Variants in EFTUD2 observed in about 807,000 individuals in gnomAD.
EFTUD2 encodes the protein elongation factor Tu GTP binding domain containing 2.
In EFTUD2, 9 loss-of-function variants were observed where a neutral mutation model predicts 114.3. The ratio of observed to expected loss-of-function variants is 0.08; its 90% CI spans 0.05 to 0.14. The LOEUF (loss-of-function observed/expected upper bound fraction) is 0.14. EFTUD2 is among the 10% of genes least tolerant of loss of function. The pLI is 1.00. For missense variants in EFTUD2, 765 were observed against 1,241.2 expected (o/e 0.62, Z 5.76); for synonymous variants, 449 against 462.3 (o/e 0.97, Z 0.37).
chr17:44,863,655 A>C lies in EFTUD2; in HGVS notation c.1413T>G (p.Asp471Glu). 1 of 1,613,114 alleles carries C rather than the reference A, an allele frequency of 6.2e-7. No homozygotes were observed. The highest frequency in any genetic ancestry group is 1.3e-5 in the African/African-American group (1 of 75,016). The change falls in exon 15 of 28, where the codon GAT becomes GAG. Residue 471 changes from aspartate to glutamate, a missense_variant and splice_region_variant. Physicochemically the swap from Asp to Glu is conservative, Grantham distance 45. Coordinates refer to ENST00000426333, the MANE Select transcript of EFTUD2 (RefSeq NM_004247.4). The stretch of plus-strand genomic sequence containing the variant: ...GAACCGGGGAGCCACATGCCCTTAC[A>C]TCAGGGTCACAGTCACTCATAGCCT... ...LGEAMSDCDP[D>E]GPLMCHTTKM...
At chr17:44,860,150 T>C (rs2050630267) in intron 17 of EFTUD2, 105 bp from the exon 18 acceptor site, 3 of 1,516,268 alleles carry the variant, frequency 2.0e-6, no homozygotes, top group African/African-American at 2.7e-5. Flanking sequence ...AGACTATGTA[T>C]TCCCCAACCA....
chr17:44,867,783 C>T (rs2050776339), intron 13 of EFTUD2, 24 bp downstream of exon 13: 3 of 1,537,770 alleles, frequency 2.0e-6, no homozygotes, highest in Non-Finnish European at 2.6e-6. Flanking sequence ...AGCAGATCTG[C>T]CCAGTGTGAC....
chr17:44,880,826 T>G (rs1011849786), intron 7 of EFTUD2, among the ~76,000 whole-genome samples, 182 bp from the exon 8 acceptor site: 1 of 152,228 alleles, frequency 6.6e-6, no homozygotes, highest in Non-Finnish European at 1.5e-5. Flanking sequence ...ACACCATTTT[T>G]GGGGGACTTG....
rs2050412062 is a variant in EFTUD2, at chr17:44,850,063, C to T, written c.*1211G>A. On this transcript the variant is annotated 3_prime_UTR_variant, in exon 28 of 28. Transcript: ENST00000426333. ...TCCTGATGTGTAACATGACAATAAC[C>T]ACCCCTGGCCTGCCTACCTTGCAGG... 2.8e-6 allele frequency: 1 copy of T among 351,714 alleles called. No homozygotes were observed. The highest frequency in any genetic ancestry group is 5.3e-6 in the Non-Finnish European group (1 of 188,482). The allele number at this position is 351,714 out of a possible 1,614,324, so 21.8% of individuals were successfully genotyped here. A position where few individuals can be genotyped will look rare whatever the true frequency, so the allele number is the denominator to read the frequency against.
At chr17:44,895,608 CCATATGGCTCACA>C (rs2145585054) in intron 1 of EFTUD2, among the ~76,000 whole-genome samples, 1 of 152,096 alleles carries the variant, frequency 6.6e-6, no homozygotes, top group African/African-American at 2.4e-5. Flanking sequence ...GAGACTGAAA[CCATATGGCTCACA>C]AAGCCTAAAA....
chr17:44,880,676 T>G (rs1179454526), intron 7 of EFTUD2, 32 bp from the exon 8 acceptor site: 1 of 1,583,932 alleles, frequency 6.3e-7, no homozygotes, highest in Admixed American at 1.7e-5. Context: ...CAAGACCTCT[T>G]CCTATGCAAG....
chr17:44,856,112 C>T (rs1487615011), intron 20 of EFTUD2, among the ~76,000 whole-genome samples: 1 of 113,786 alleles, frequency 8.8e-6, no homozygotes, highest in Non-Finnish European at 1.6e-5. Flanking sequence ...GCCTGGGTGA[C>T]GAAGTGAGAC....
chr17:44,876,778 G>A (rs960111558), intron 9 of EFTUD2, among the ~76,000 whole-genome samples: 2 of 145,374 alleles, frequency 1.4e-5, no homozygotes, highest in African/African-American at 2.6e-5. Context: ...GCGTGAACCC[G>A]GGAGGCAGAG....
At chr17:44,860,165 C>A in intron 17 of EFTUD2, 120 bp from the exon 18 acceptor site, 3 of 1,439,752 alleles carry the variant, frequency 2.1e-6, no homozygotes, top group Non-Finnish European at 2.9e-6. Context: ...CAACCAGGAG[C>A]CTGGTGCTGA....
intron 13 of EFTUD2, among the ~76,000 whole-genome samples, chr17:44,866,501 C>T (rs927547023): frequency 6.6e-6 from 1 of 152,146 alleles, no homozygotes; most frequent in African/African-American, 2.4e-5. Flanking sequence ...GCCTCTGCCT[C>T]AAGAGTAGCT....
At chr17:44,851,870 G>C (rs2050458755) in intron 26 of EFTUD2, 53 bp from the exon 27 acceptor site, 2 of 1,480,460 alleles carry the variant, frequency 1.4e-6, no homozygotes, top group Admixed American at 2.0e-5. Flanking sequence ...AGAAGATTCA[G>C]GCCCAGAAGC....
chr17:44,857,920 C>CTTTTTTTTTTT (rs528299306), intron 19 of EFTUD2, among the ~76,000 whole-genome samples: 42 of 127,502 alleles, frequency 3.3e-4, no homozygotes, highest in African/African-American at 1.2e-3. Flanking sequence ...TTTCTTTTTC[C>CTTTTTTTTTTT]TTTTTTTTTT....
At chr17:44,881,834 AAGAG>A (rs757368572) in intron 6 of EFTUD2, 112 bp from the exon 7 acceptor site, 68 of 981,298 alleles carry the variant, frequency 6.9e-5, no homozygotes, top group Non-Finnish European at 1.0e-4. Context: ...TTTGAGATTA[AAGAG>A]AGAGAGAGAG....
chr17:44,890,774 C>T (rs1374472630), intron 2 of EFTUD2, among the ~76,000 whole-genome samples: 1 of 152,108 alleles, frequency 6.6e-6, no homozygotes, highest in African/African-American at 2.4e-5. Context: ...GAGGGTAGAC[C>T]AGTACAGCCA....
intron 1 of EFTUD2, chr17:44,895,800 G>A (rs2051373593): frequency 6.6e-6 from 1 of 152,146 alleles, no homozygotes; most frequent in Admixed American, 6.5e-5. Flanking sequence ...AAGTTTCACA[G>A]ATTGTTCCAA....
chr17:44,857,340 C>A, intron 19 of EFTUD2, 183 bp from the exon 20 acceptor site: 1 of 529,010 alleles, frequency 1.9e-6, no homozygotes. Context: ...CACCAAAAAG[C>A]CCAAGAAAAC....
chr17:44,879,675 C>T, intron 8 of EFTUD2, 37 bp from the exon 9 acceptor site: 3 of 1,593,522 alleles, frequency 1.9e-6, no homozygotes, highest in Non-Finnish European at 2.6e-6. Context: ...TCACTTGGTG[C>T]AGGATAAAGC....
Position 44,850,470 on chromosome 17 carries a change from A to C in EFTUD2, c.*804T>G. The C allele has an allele frequency of 1.8e-6, 2 of 1,139,432 alleles. No individual in the cohort carries two copies. The highest frequency in any genetic ancestry group is 2.6e-6 in the Non-Finnish European group (2 of 765,068). 70.6% of individuals were successfully genotyped at this position (1,139,432 alleles called of 1,614,324 possible). A position where few individuals can be genotyped will look rare whatever the true frequency, so the allele number is the denominator to read the frequency against. On this transcript the variant is annotated 3_prime_UTR_variant, in exon 28 of 28. Coordinates refer to ENST00000426333, the MANE Select transcript of EFTUD2 (RefSeq NM_004247.4). ...GTACATTCCTAATAAAGCAGTTTTG[A>C]GGAAAATCAACAGACTCTTTTTCAC... is the stretch of plus-strand genomic sequence containing the variant.
intron 2 of EFTUD2, among the ~76,000 whole-genome samples, chr17:44,889,849 C>A (rs1339663227): frequency 1.3e-5 from 2 of 152,142 alleles, no homozygotes. Flanking sequence ...TTTTCTCCTG[C>A]CCCATACTGC....
Sources: gnomAD v4.1 joint callset for allele counts (sites outside exome capture counted in the v4.1 genomes callset) on GRCh38, gnomAD v4.1.1 for gene constraint, MANE v1.5 for transcripts, NCBI Gene and HGNC (gene_info 2026-07-23, HGNC 2026-07-21) for gene names.